DLG2: variants seen among roughly 807,000 people sequenced by gnomAD.
The protein encoded by DLG2 is disks large homolog 2.
In DLG2, 45 loss-of-function variants were observed where a neutral mutation model predicts 132.5. The observed-to-expected ratio is 0.34, with a 90% CI of 0.27 to 0.44. The LOEUF is 0.44. Among genes scored for constraint, DLG2 ranks in the 20% least tolerant of loss-of-function variants. The pLI, the probability that DLG2 is intolerant of heterozygous loss-of-function variation, is 1.00. For synonymous variants in DLG2, 424 were observed against 419.6 expected, an observed-to-expected ratio of 1.01 and a Z score of -0.13; for missense variants, 1,045 against 1,196.9, an observed-to-expected ratio of 0.87 and a Z score of 1.87.
chr11:84,876,233 T>C (rs2086326967), intron 6 of DLG2, among the ~76,000 whole-genome samples: 2 of 152,166 alleles, frequency 1.3e-5, no homozygotes, highest in African/African-American at 4.8e-5. Context: ...AGAAATAAAT[T>C]GTTTGGAATA....
chr11:84,876,013 C>T (rs145481791), intron 6 of DLG2, among the ~76,000 whole-genome samples: 6,349 of 152,288 alleles, frequency 0.042, 200 homozygotes, highest in African/African-American at 0.08. Context: ...GCTGGGATTA[C>T]AGGAGTGATC....
rs1222551413 is a variant in DLG2, at chr11:85,116,660, G to A, written c.283-4925C>T. On this transcript the variant is annotated intron_variant, in intron 5 of 27. Coordinates refer to ENST00000376104, the MANE Select transcript of DLG2 (RefSeq NM_001142699.3). ...AGATCAAATCTTGCCATGTGCTAAT[G>A]TAAAATACATTATAGGTGGAAATAT... 2.6e-5 allele frequency among the ~76,000 whole-genome samples: 4 copies of A among 151,898 alleles called. No homozygotes were observed. In the East Asian group the frequency reaches 7.7e-4, roughly 29 times the overall value.
intron 6 of DLG2, among the ~76,000 whole-genome samples, chr11:84,696,331 C>T (rs578013808): frequency 6.6e-6 from 1 of 151,512 alleles, no homozygotes; most frequent in Non-Finnish European, 1.5e-5. Context: ...TAAATATGCC[C>T]TATTATTCAC....
chr11:84,709,233 G>T (rs1262711623), intron 6 of DLG2, among the ~76,000 whole-genome samples: 1 of 151,890 alleles, frequency 6.6e-6, no homozygotes, highest in East Asian at 1.9e-4. Context: ...AATACTCAGC[G>T]AAGGAAGATT....
intron 8 of DLG2, among the ~76,000 whole-genome samples, chr11:84,194,075 A>T (rs760740455): frequency 2.1e-4 from 32 of 152,214 alleles, no homozygotes; most frequent in African/African-American, 6.0e-4. Flanking sequence ...AGGAAACGAA[A>T]AACTAATACA....
At chr11:83,749,102 T>C (rs549106635) in intron 18 of DLG2, among the ~76,000 whole-genome samples, 52 of 152,298 alleles carry the variant, frequency 3.4e-4, no homozygotes, top group African/African-American at 1.1e-3. Context: ...TTGACCATCA[T>C]AGGCAATAGG....
chr11:85,309,974 A>C (rs1053133991), intron 3 of DLG2, among the ~76,000 whole-genome samples: 2 of 152,320 alleles, frequency 1.3e-5, no homozygotes, highest in Middle Eastern at 3.4e-3. Flanking sequence ...TACCTGGTAC[A>C]TAGCAGTCTC....
intron 3 of DLG2, among the ~76,000 whole-genome samples, chr11:85,407,500 T>C (rs1377157159): frequency 6.6e-6 from 1 of 151,886 alleles, no homozygotes; most frequent in Non-Finnish European, 1.5e-5. Context: ...AACTGCTGTG[T>C]GTCAGACCCT....
chr11:84,707,199 C>T (rs1244445079), intron 6 of DLG2, among the ~76,000 whole-genome samples: 1 of 151,798 alleles, frequency 6.6e-6, no homozygotes, highest in South Asian at 2.1e-4. Context: ...TAGTAGAATG[C>T]TGATTAATCT....
chr11:84,460,668 G>A (rs1394572408), intron 7 of DLG2, among the ~76,000 whole-genome samples: 1 of 150,630 alleles, frequency 6.6e-6, no homozygotes, highest in Non-Finnish European at 1.5e-5. Context: ...AAATATGAGT[G>A]CATGTGCATG....
intron 6 of DLG2, among the ~76,000 whole-genome samples, chr11:84,824,375 A>G (rs1164183660): frequency 6.6e-6 from 1 of 151,964 alleles, no homozygotes; most frequent in Non-Finnish European, 1.5e-5. Context: ...CTAACAAAAA[A>G]AGAGATTTTC....
intron 11 of DLG2, among the ~76,000 whole-genome samples, chr11:84,009,957 G>C (rs984960948): frequency 6.6e-6 from 1 of 152,022 alleles, no homozygotes; most frequent in African/African-American, 2.4e-5. Context: ...AGACTGTCTG[G>C]CAGCAAAGCC....
chr11:83,939,280 G>A (rs74740858), intron 14 of DLG2, among the ~76,000 whole-genome samples: 11,645 of 152,248 alleles, frequency 0.076, 612 homozygotes, highest in Non-Finnish European at 0.12. Context: ...GTCCTTATGA[G>A]TTTGGTTTGC....
intron 6 of DLG2, among the ~76,000 whole-genome samples, chr11:84,936,261 A>C (rs12577655): frequency 0.036 from 5,557 of 152,282 alleles, 142 homozygotes; most frequent in East Asian, 0.1. Flanking sequence ...AACTTTTACT[A>C]TAATGAGTTT....
intron 14 of DLG2, among the ~76,000 whole-genome samples, chr11:83,960,763 C>G (rs2088469327): frequency 6.6e-6 from 1 of 151,930 alleles, no homozygotes; most frequent in South Asian, 2.1e-4. Context: ...GAAAGTGAAT[C>G]TGCCTCTGAG....
intron 11 of DLG2, among the ~76,000 whole-genome samples, chr11:84,014,467 A>G (rs561122649): frequency 6.6e-6 from 1 of 152,322 alleles, no homozygotes; most frequent in Non-Finnish European, 1.5e-5. Flanking sequence ...AATGTTTTAA[A>G]TGAAAATAAA....
In DLG2 at chr11:85,198,393, T is replaced by G. The variant is rs142473586; in HGVS notation, c.187-43742A>C. Among the ~76,000 whole-genome samples, 535 of 152,264 alleles carry G rather than the reference T, an allele frequency of 3.5e-3. 3 individuals are homozygous for G. Among genetic ancestry groups the G allele is most frequent in the African/African-American group, 0.013 (525 of 41,566 alleles). On this transcript the variant is annotated intron_variant, in intron 4 of 27. Transcript: ENST00000376104. The stretch of plus-strand genomic sequence containing the variant: ...CCACAAAAAGTATACATTTGGCACA[T>G]CATTGAAGGATCTCAAGTTAGCTAT...
chr11:85,394,115 T>TTC (rs2087061938), intron 3 of DLG2, among the ~76,000 whole-genome samples: 2 of 152,182 alleles, frequency 1.3e-5, no homozygotes, highest in Non-Finnish European at 2.9e-5. Flanking sequence ...AGAAGACAGG[T>TTC]TGTCTGCCCT....
At chr11:85,003,522 C>T (rs1428145826) in intron 6 of DLG2, among the ~76,000 whole-genome samples, 2 of 152,012 alleles carry the variant, frequency 1.3e-5, no homozygotes, top group East Asian at 3.9e-4. Context: ...GAACTTAAGT[C>T]ATTTAATCTT....
Sources: allele counts gnomAD v4.1 joint callset (sites outside exome capture counted in the v4.1 genomes callset), GRCh38; gene constraint gnomAD v4.1.1; transcripts MANE v1.5; gene names NCBI Gene and HGNC (gene_info 2026-07-23, HGNC 2026-07-21).